DPP6: variants seen among roughly 807,000 people sequenced by gnomAD.
The protein encoded by DPP6 is dipeptidyl peptidase like 6, also known as A-type potassium channel modulatory protein DPP6.
DPP6 carries 69 observed loss-of-function variants against 122.6 expected under a neutral mutation model. The ratio of observed to expected loss-of-function variants is 0.56; its 90% CI spans 0.46 to 0.69. DPP6 has a LOEUF of 0.69. Ranked by LOEUF, DPP6 falls within the 30% of genes least tolerant of loss-of-function variation. The pLI, the probability that DPP6 is intolerant of heterozygous loss-of-function variation, is 0.00. For missense variants in DPP6, 928 were observed against 1,116.9 expected (o/e 0.83, Z 2.41); for synonymous variants, 418 against 433.1 (o/e 0.97, Z 0.43).
Position 154,802,836 on chromosome 7 carries a change from C to CAAA in DPP6, c.1408-1012_1408-1010dup, listed in dbSNP as rs537624311. On this transcript the variant is annotated intron_variant, in intron 13 of 25. Coordinates refer to ENST00000377770, the MANE Select transcript of DPP6 (RefSeq NM_130797.4). ...TGGGTGACAGAGTGAGACACTGTCT[C>CAAA]AAAAAAAAAAAAAAAAAAGATTTAT... 3.1e-3 allele frequency among the ~76,000 whole-genome samples: 349 copies of CAAA among 110,890 alleles called. 2 individuals carry two copies. The highest frequency in any genetic ancestry group is 5.6e-3 in the Middle Eastern group (1 of 178). 72.7% of individuals were successfully genotyped at this position (110,890 alleles called of 152,430 possible).
At chr7:153,945,288 T>A (rs1432421405) in intron 1 of DPP6, among the ~76,000 whole-genome samples, 1 of 152,172 alleles carries the variant, frequency 6.6e-6, no homozygotes, top group Non-Finnish European at 1.5e-5. Context: ...TCTCCCTAGT[T>A]TTTCCCTCTA....
At chr7:154,637,455 G>A (rs1396576085) in intron 5 of DPP6, among the ~76,000 whole-genome samples, 1 of 152,154 alleles carries the variant, frequency 6.6e-6, no homozygotes, top group Non-Finnish European at 1.5e-5. Context: ...CCGTACATGG[G>A]TCTTACTGAC....
chr7:154,774,792 GA>G (rs1489451972), intron 10 of DPP6, among the ~76,000 whole-genome samples: 1 of 152,196 alleles, frequency 6.6e-6, no homozygotes, highest in Non-Finnish European at 1.5e-5. Flanking sequence ...GGTGGCAAAT[GA>G]ACCATGGAGT....
At chr7:154,078,553 G>T (rs1413577508) in intron 1 of DPP6, among the ~76,000 whole-genome samples, 1 of 152,084 alleles carries the variant, frequency 6.6e-6, no homozygotes, top group Non-Finnish European at 1.5e-5. Flanking sequence ...GTTGTGGGTT[G>T]GTTAGGCTTG....
the DPP6 span, among the ~76,000 whole-genome samples, chr7:153,852,289 A>G: frequency 6.6e-6 from 1 of 152,248 alleles, no homozygotes; most frequent in Non-Finnish European, 1.5e-5. Context: ...TAAAGAAAAG[A>G]GGTTTAATTG....
rs576432268 is a variant in DPP6, at chr7:154,863,844, C to T, written c.1715-4151C>T. Among the ~76,000 whole-genome samples, 6 of 152,102 alleles carry T rather than the reference C, an allele frequency of 3.9e-5. No individual in the cohort carries two copies. In the East Asian group the frequency reaches 1.2e-3, roughly 30 times the overall value. ...AATGGAGCTCAGAGAAAAGAGATTT[C>T]CAGTTAAGGTGAGTAAGTTTAAACA... On this transcript the variant is annotated intron_variant, in intron 17 of 25. Transcript: ENST00000377770. This position sits in a 1 kb window ranked among gnomAD's most constrained non-coding sequence, Gnocchi z 4.1.
intron 1 of DPP6, among the ~76,000 whole-genome samples, chr7:154,433,136 G>GTTTT (rs548053204): frequency 0.01 from 741 of 72,332 alleles, 107 homozygotes; most frequent in African/African-American, 0.03. Context: ...TAGACTGCAA[G>GTTTT]TTTTTTTTTT....
chr7:154,410,924 A>G (rs1323392096), intron 1 of DPP6, among the ~76,000 whole-genome samples: 1 of 152,224 alleles, frequency 6.6e-6, no homozygotes, highest in African/African-American at 2.4e-5. Context: ...CCTGAAAAAT[A>G]CATGAATTCT....
At chr7:153,977,400 T>G (rs1388756044) in intron 1 of DPP6, among the ~76,000 whole-genome samples, 1 of 152,226 alleles carries the variant, frequency 6.6e-6, no homozygotes, top group African/African-American at 2.4e-5. Flanking sequence ...CCACAATCAG[T>G]ACTGGGCTTC....
At chr7:153,977,197 G>GA (rs1563067962) in intron 1 of DPP6, among the ~76,000 whole-genome samples, 36 of 82,820 alleles carry the variant, frequency 4.3e-4, no homozygotes, top group Admixed American at 4.0e-3. Flanking sequence ...GTACCAATAG[G>GA]GGTGTGTGTG....
At chr7:154,003,132 G>GT (rs1207677396) in intron 1 of DPP6, among the ~76,000 whole-genome samples, 1 of 152,212 alleles carries the variant, frequency 6.6e-6, no homozygotes, top group Non-Finnish European at 1.5e-5. Flanking sequence ...TAGGCTACAT[G>GT]TAAAGGGAAA....
In DPP6 at chr7:154,128,735, A is replaced by C. The variant is rs1354621663; in HGVS notation, c.243+75672A>C. On this transcript the variant is annotated intron_variant, in intron 1 of 25. Coordinates refer to ENST00000377770, the MANE Select transcript of DPP6 (RefSeq NM_130797.4). ...CATTTACAAAATAAGATACATTTAA[A>C]AGTAAGTTGTCTCATCTGACGGCAG... Among the ~76,000 whole-genome samples, 3 of 151,276 alleles carry C rather than the reference A, an allele frequency of 2.0e-5. No individual in the cohort carries two copies. In the East Asian group the frequency reaches 5.8e-4, roughly 29 times the overall value.
intron 16 of DPP6, among the ~76,000 whole-genome samples, chr7:154,826,347 A>C (rs965912294): frequency 1.3e-5 from 2 of 152,222 alleles, no homozygotes; most frequent in African/African-American, 4.8e-5. Flanking sequence ...ATCCCATATT[A>C]AAAATGTACT....
intron 16 of DPP6, among the ~76,000 whole-genome samples, chr7:154,837,321 GCA>G (rs1312243086): frequency 6.7e-6 from 1 of 150,258 alleles, no homozygotes; most frequent in African/African-American, 2.5e-5. Context: ...ACAAACACAT[GCA>G]CACACATGCA....
At chr7:154,561,792 GA>G (rs970489510) in intron 4 of DPP6, among the ~76,000 whole-genome samples, 16 of 151,380 alleles carry the variant, frequency 1.1e-4, no homozygotes, top group African/African-American at 2.7e-4. Flanking sequence ...AAAGATAATG[GA>G]AAAAAAATCA....
Position 154,390,178 on chromosome 7 carries a change from A to C in DPP6, c.244-56036A>C, listed in dbSNP as rs563147232. Among the ~76,000 whole-genome samples, 13 of 152,336 alleles carry C rather than the reference A, an allele frequency of 8.5e-5. No individual in the cohort carries two copies. In the South Asian group the frequency reaches 2.7e-3, roughly 32 times the overall value. ...GGCTCAGATGCAAGTGGGGGAAGGT[A>C]ATAATCAACAAGGAAATATCTGTCA... On this transcript the variant is annotated intron_variant, in intron 1 of 25. Transcript: ENST00000377770.
At chr7:154,438,118 T>C (rs901089494) in intron 1 of DPP6, among the ~76,000 whole-genome samples, 1 of 152,014 alleles carries the variant, frequency 6.6e-6, no homozygotes, top group Non-Finnish European at 1.5e-5. Flanking sequence ...CATTCGGCTT[T>C]TGTTTTTGAG....
chr7:154,045,243 T>C (rs1259554182), intron 1 of DPP6, among the ~76,000 whole-genome samples: 1 of 151,868 alleles, frequency 6.6e-6, no homozygotes, highest in African/African-American at 2.4e-5. Context: ...AAATGGTTTC[T>C]TTTTTTTATT....
chr7:154,220,388 A>G (rs1056787050), intron 1 of DPP6, among the ~76,000 whole-genome samples: 1 of 152,184 alleles, frequency 6.6e-6, no homozygotes, highest in Non-Finnish European at 1.5e-5. Flanking sequence ...GGACACAAAA[A>G]AAGATACAAT....
Sources: gnomAD v4.1 joint callset for allele counts (sites outside exome capture counted in the v4.1 genomes callset) on GRCh38, gnomAD v4.1.1 for gene constraint, Gnocchi (gnomAD v3.1) non-coding constraint, MANE v1.5 for transcripts, NCBI Gene and HGNC (gene_info 2026-07-23, HGNC 2026-07-21) for gene names.